Variants in ETV1 observed in about 807,000 individuals in gnomAD.
ETV1 encodes ETS translocation variant 1.
A neutral mutation model predicts 62.3 loss-of-function variants in ETV1; 27 were observed. That is an observed-to-expected ratio of 0.43 (90% CI 0.32 to 0.60). The LOEUF (loss-of-function observed/expected upper bound fraction) is 0.60, where lower values mean the gene tolerates loss of function less well. Among genes scored for constraint, ETV1 ranks in the 20% least tolerant of loss-of-function variants. The pLI is 0.06. For synonymous variants in ETV1, 222 were observed against 199.6 expected, an observed-to-expected ratio of 1.11 and a Z score of -0.94; for missense variants, 605 against 605.8, an observed-to-expected ratio of 1.00 and a Z score of 0.01.
At chr7:13,970,313 C>G (rs2128492605) in intron 6 of ETV1, among the ~76,000 whole-genome samples, 1 of 101,916 alleles carries the variant, frequency 9.8e-6, no homozygotes, top group Middle Eastern at 5.7e-3. Flanking sequence ...CACACACACA[C>G]ACACACACAC....
At chr7:13,933,721 C>A (rs1159546227) in intron 8 of ETV1, among the ~76,000 whole-genome samples, 1 of 152,178 alleles carries the variant, frequency 6.6e-6, no homozygotes, top group African/African-American at 2.4e-5. Context: ...CAGAAACATA[C>A]GGCTTTAGAG....
chr7:13,904,894 A>G (rs1348277550), intron 12 of ETV1, among the ~76,000 whole-genome samples: 2 of 150,456 alleles, frequency 1.3e-5, no homozygotes, highest in Admixed American at 1.3e-4. Flanking sequence ...GAAAAAACTA[A>G]TCTTCTTTGA....
chr7:13,904,346 G>T (rs919145373), intron 12 of ETV1, among the ~76,000 whole-genome samples: 6 of 152,160 alleles, frequency 3.9e-5, no homozygotes, highest in African/African-American at 1.2e-4. Context: ...GGCTGCTACA[G>T]AAGAGTTGTC....
Position 13,909,614 on chromosome 7 carries a change from G to A in ETV1, c.940+18C>T, listed in dbSNP as rs1384463108. 2 of 1,597,396 alleles carry A rather than the reference G, an allele frequency of 1.3e-6. No homozygotes were observed. Among genetic ancestry groups the A allele is most frequent in the Non-Finnish European group, 8.6e-7 (1 of 1,166,894 alleles). ...ATCTTTAAAAAAATCAGAACTTGAGGCAAAGTGTAAAACCTACCATCGAAT... is the reference window on the plus strand; with the variant it reads ...ATCTTTAAAAAAATCAGAACTTGAGACAAAGTGTAAAACCTACCATCGAAT... On this transcript the variant is annotated intron_variant, in intron 11 of 13. Transcript: ENST00000430479.
chr7:13,930,309 T>C (rs1785935935), intron 9 of ETV1, among the ~76,000 whole-genome samples: 1 of 152,088 alleles, frequency 6.6e-6, no homozygotes, highest in African/African-American at 2.4e-5. Flanking sequence ...GCAAAGTTGG[T>C]GGTACTATTT....
At chr7:13,928,157 G>C (rs1285984762) in intron 9 of ETV1, among the ~76,000 whole-genome samples, 2 of 152,172 alleles carry the variant, frequency 1.3e-5, no homozygotes, top group Non-Finnish European at 2.9e-5. Context: ...AATTCTTACA[G>C]CACAAGATGC....
chr7:13,901,849 C>A (rs1782467634), intron 12 of ETV1, among the ~76,000 whole-genome samples: 1 of 152,126 alleles, frequency 6.6e-6, no homozygotes, highest in Non-Finnish European at 1.5e-5. Flanking sequence ...AGCAGAATGT[C>A]TACTCTGTTG....
intron 6 of ETV1, among the ~76,000 whole-genome samples, chr7:13,949,356 A>T (rs1788531803): frequency 1.3e-5 from 2 of 152,204 alleles, no homozygotes; most frequent in Admixed American, 1.3e-4. Flanking sequence ...TTCAGGTAAT[A>T]AATGGATCGC....
chr7:13,969,916 T>G (rs1280994519), intron 6 of ETV1, among the ~76,000 whole-genome samples: 1 of 152,130 alleles, frequency 6.6e-6, no homozygotes, highest in Non-Finnish European at 1.5e-5. Flanking sequence ...CGGGGAATAA[T>G]TTTATTTGCA....
rs1447867005 is a variant in ETV1, at chr7:13,892,441, G to A, written c.*3425C>T. 2.6e-5 allele frequency: 6 copies of A among 232,612 alleles called. No individual in the cohort carries two copies. The Admixed American group carries it at 3.4e-4, about 13-fold the overall frequency. The allele number at this position is 232,612 out of a possible 1,614,324, so 14.4% of individuals were successfully genotyped here. On this transcript the variant is annotated 3_prime_UTR_variant, in exon 14 of 14. Coordinates refer to ENST00000430479, the MANE Select transcript of ETV1 (RefSeq NM_004956.5). ...CAGTGGTAAATAAAAGCAAACTCTAGTACTTTCAAATCCTAGATCCCTCAG... is the reference window on the plus strand; with the variant it reads ...CAGTGGTAAATAAAAGCAAACTCTAATACTTTCAAATCCTAGATCCCTCAG...
chr7:13,900,899 A>G, intron 12 of ETV1, 60 bp from the exon 13 acceptor site: 25 of 1,142,332 alleles, frequency 2.2e-5, no homozygotes, highest in Non-Finnish European at 3.1e-5. Context: ...ATATTTCATA[A>G]AAATTATTTA....
chr7:13,971,267 G>A (rs921664478), intron 6 of ETV1, among the ~76,000 whole-genome samples: 3 of 152,108 alleles, frequency 2.0e-5, no homozygotes, highest in African/African-American at 4.8e-5. Flanking sequence ...CAATGTGCCC[G>A]ACCCAAATGC....
rs748904227 is a variant in ETV1 at position 13,895,913 on chromosome 7, C to G, written c.1387G>C (p.Gly463Arg). 9.9e-6 allele frequency: 16 copies of G among 1,613,680 alleles called. No homozygotes were observed. The highest frequency in any genetic ancestry group is 1.4e-5 in the Non-Finnish European group (16 of 1,179,846). Reference sequence around the variant, plus strand: ...TAGGGGTGGGGGTTGCAGCAGCCCCCTTCCGGCATGTAGGCCATGCTCTCA... The same window carrying G: ...TAGGGGTGGGGGTTGCAGCAGCCCCGTTCCGGCATGTAGGCCATGCTCTCA... ...FDESMAYMPE[G>R]GCCNPHPYNE... The change falls in exon 14 of 14, where the codon GGG becomes CGG. Residue 463 changes from glycine (G) to arginine (R), a missense_variant. Physicochemically the swap from Gly to Arg is moderately radical, Grantham distance 125. Transcript: ENST00000430479.
At position 13,911,224 on chromosome 7, in the gene ETV1, T is replaced by C. The variant is rs756281994; in HGVS notation, c.871+15A>G. On this transcript the variant is annotated intron_variant, in intron 10 of 13. Transcript: ENST00000430479. ...GAACGGTATTTACACGGAATTTCAG[T>C]GGTGGACAACTTAACTTCTGTTCTG... The C allele has an allele frequency of 6.3e-7, 1 of 1,593,978 alleles. No individual in the cohort carries two copies. The highest frequency in any genetic ancestry group is 1.1e-5 in the South Asian group (1 of 90,562).
chr7:13,919,261 C>T (rs1562614570), intron 9 of ETV1, among the ~76,000 whole-genome samples: 1 of 151,826 alleles, frequency 6.6e-6, no homozygotes, highest in Non-Finnish European at 1.5e-5. Context: ...TGACACAAAT[C>T]GTAAATGGAT....
At chr7:13,947,516 G>T (rs916475167) in intron 6 of ETV1, among the ~76,000 whole-genome samples, 1 of 151,670 alleles carries the variant, frequency 6.6e-6, no homozygotes, top group Non-Finnish European at 1.5e-5. Flanking sequence ...CCATTTAACA[G>T]ATCTTTTAAA....
At position 13,892,808 on chromosome 7, in the gene ETV1, C is replaced by T. The variant is rs1583531915; in HGVS notation, c.*3058G>A. ...CCAGGAGCCAAGGAATGTCAGCAGA[C>T]TCTAGAAGTGAAAGCTGGAAGAATC... On this transcript the variant is annotated 3_prime_UTR_variant, in exon 14 of 14. Transcript: ENST00000430479. 1 of 232,466 alleles carries T rather than the reference C, an allele frequency of 4.3e-6. No individual in the cohort carries two copies. Among genetic ancestry groups the T allele is most frequent in the East Asian group, 6.1e-5 (1 of 16,464 alleles). The allele number at this position is 232,466 out of a possible 1,614,324, so 14.4% of individuals were successfully genotyped here.
intron 9 of ETV1, among the ~76,000 whole-genome samples, chr7:13,917,570 G>C (rs1784321698): frequency 6.6e-6 from 1 of 151,912 alleles, no homozygotes; most frequent in African/African-American, 2.4e-5. Context: ...TGCCGTCTTG[G>C]CCTCCCAAAG....
chr7:13,989,284 C>G lies in ETV1; in HGVS notation c.-104G>C, dbSNP rs1782845728. ...CTCCTTCACCTGGATCCAAAGAGAG[C>G]CAACAGAGTTCACAATTTACATATT... On this transcript the variant is annotated 5_prime_UTR_variant, in exon 2 of 14. Transcript: ENST00000430479. The G allele has an allele frequency of 1.9e-6, 1 of 519,508 alleles. No homozygotes were observed. Among genetic ancestry groups the G allele is most frequent in the African/African-American group, 2.0e-5 (1 of 50,856 alleles). The allele number at this position is 519,508 out of a possible 1,614,324, so 32.2% of individuals were successfully genotyped here.
Sources: allele counts gnomAD v4.1 joint callset (sites outside exome capture counted in the v4.1 genomes callset), GRCh38; gene constraint gnomAD v4.1.1; transcripts MANE v1.5; gene names NCBI Gene and HGNC (gene_info 2026-07-23, HGNC 2026-07-21).